Variants in AKT3 observed in about 807,000 individuals in gnomAD.
AKT3 encodes the protein AKT serine/threonine kinase 3.
AKT3 carries 15 observed loss-of-function variants against 65.3 expected under a neutral mutation model. The ratio of observed to expected loss-of-function variants is 0.23; its 90% CI spans 0.15 to 0.35. The LOEUF (loss-of-function observed/expected upper bound fraction) is 0.35. AKT3 is among the 10% of genes least tolerant of loss of function. AKT3 has a pLI of 1.00. For synonymous variants in AKT3, 206 were observed against 183.8 expected, an observed-to-expected ratio of 1.12 and a Z score of -0.98; for missense variants, 243 against 576.5, an observed-to-expected ratio of 0.42 and a Z score of 5.92.
chr1:243,559,133 A>C (rs1321378926), intron 10 of AKT3, among the ~76,000 whole-genome samples: 1 of 152,172 alleles, frequency 6.6e-6, no homozygotes, highest in African/African-American at 2.4e-5. Flanking sequence ...ACAGATTATA[A>C]AAACAAAATC....
chr1:243,696,972 G>C (rs1685099708), intron 2 of AKT3, among the ~76,000 whole-genome samples: 1 of 151,824 alleles, frequency 6.6e-6, no homozygotes. Flanking sequence ...TTACTATAAA[G>C]GGCAATCTCA....
At chr1:243,740,131 T>C (rs1256960320) in intron 2 of AKT3, among the ~76,000 whole-genome samples, 1 of 152,196 alleles carries the variant, frequency 6.6e-6, no homozygotes, top group Admixed American at 6.5e-5. Context: ...TACATGGTTT[T>C]ACTATCACTA....
At position 243,564,855 on chromosome 1, in the gene AKT3, A is replaced by C. The variant is rs567366965; in HGVS notation, c.820-1007T>G. Among the ~76,000 whole-genome samples the C allele has an allele frequency of 5.5e-4, 84 of 152,338 alleles. 2 individuals carry two copies. The Middle Eastern group carries it at 0.014, about 25-fold the overall frequency. Reference sequence around the variant, plus strand: ...GATAGTTAACTTTTATTTGAGGAGTAGATTCTTATTCTACTCCTTAATGTG... The same window carrying C: ...GATAGTTAACTTTTATTTGAGGAGTCGATTCTTATTCTACTCCTTAATGTG... On this transcript the variant is annotated intron_variant, in intron 9 of 13. Coordinates refer to ENST00000673466, the MANE Select transcript of AKT3 (RefSeq NM_005465.7).
At chr1:243,676,266 C>T (rs982374894) in intron 3 of AKT3, among the ~76,000 whole-genome samples, 2 of 152,070 alleles carry the variant, frequency 1.3e-5, no homozygotes, top group African/African-American at 4.8e-5. Flanking sequence ...ACAGAATGAA[C>T]ATTAAGTGCA....
chr1:243,686,671 T>A (rs1223523984), intron 3 of AKT3, among the ~76,000 whole-genome samples: 6 of 58,986 alleles, frequency 1.0e-4, no homozygotes, highest in East Asian at 3.1e-4. Flanking sequence ...TTTTTTTTTT[T>A]TTTTTTTTTT....
At chr1:243,612,302 A>G (rs1405433163) in intron 8 of AKT3, among the ~76,000 whole-genome samples, 1 of 151,500 alleles carries the variant, frequency 6.6e-6, no homozygotes, top group African/African-American at 2.4e-5. Context: ...TTTTGTAGAG[A>G]CAAGCTTCCA....
chr1:243,628,446 C>T (rs1310874758), intron 6 of AKT3, among the ~76,000 whole-genome samples: 1 of 152,112 alleles, frequency 6.6e-6, no homozygotes, highest in Non-Finnish European at 1.5e-5. Flanking sequence ...TCACCAGAGG[C>T]ATGCCACCAC....
chr1:243,830,214 C>T (rs1426792618), intron 2 of AKT3, among the ~76,000 whole-genome samples: 1 of 152,108 alleles, frequency 6.6e-6, no homozygotes, highest in Non-Finnish European at 1.5e-5. Flanking sequence ...ATGGCATTTG[C>T]AGTGGATTAG....
At chr1:243,695,311 T>C (rs1172843455) in intron 3 of AKT3, among the ~76,000 whole-genome samples, 3 of 151,968 alleles carry the variant, frequency 2.0e-5, no homozygotes, top group Non-Finnish European at 4.4e-5. Context: ...GGTCCTTGTT[T>C]TTATGTTATA....
chr1:243,809,813 C>T (rs1693008457), intron 2 of AKT3, among the ~76,000 whole-genome samples: 1 of 152,164 alleles, frequency 6.6e-6, no homozygotes, highest in Non-Finnish European at 1.5e-5. Flanking sequence ...TGTAAAAGAA[C>T]AGAAATTATA....
chr1:243,627,657 C>T (rs946010928), intron 6 of AKT3, among the ~76,000 whole-genome samples: 2 of 152,114 alleles, frequency 1.3e-5, no homozygotes, highest in East Asian at 1.9e-4. Context: ...AGGATAAATC[C>T]AGCAAATACC....
intron 2 of AKT3, among the ~76,000 whole-genome samples, chr1:243,754,757 C>T (rs1288911692): frequency 6.6e-6 from 1 of 152,284 alleles, no homozygotes; most frequent in Admixed American, 6.5e-5. Context: ...AACCGTCCCC[C>T]CTCCCACACA....
At chr1:243,498,574 T>C (rs1474343470), downstream of AKT3, among the ~76,000 whole-genome samples, 1 of 152,242 alleles carries the variant, frequency 6.6e-6, no homozygotes, top group Non-Finnish European at 1.5e-5. Context: ...AAGAAAAAGT[T>C]GTCCTCAGGG....
At chr1:243,565,158 C>A (rs556393851) in intron 9 of AKT3, among the ~76,000 whole-genome samples, 2 of 152,296 alleles carry the variant, frequency 1.3e-5, no homozygotes, top group South Asian at 4.1e-4. Flanking sequence ...GCATGTCTCA[C>A]AGAGGTAAGT....
At chr1:243,828,888 TAAGAGC>T (rs1375128725) in intron 2 of AKT3, among the ~76,000 whole-genome samples, 1 of 152,158 alleles carries the variant, frequency 6.6e-6, no homozygotes, top group African/African-American at 2.4e-5. Context: ...ATAGATTCAC[TAAGAGC>T]AAGTTAAGTC....
At chr1:243,669,028 T>C (rs320318) in intron 3 of AKT3, among the ~76,000 whole-genome samples, 2 of 152,040 alleles carry the variant, frequency 1.3e-5, no homozygotes, top group African/African-American at 4.8e-5. Context: ...TTTGAAAGAC[T>C]TAAGTTTTAA....
intron 2 of AKT3, among the ~76,000 whole-genome samples, chr1:243,789,396 CT>C (rs1691476161): frequency 6.6e-6 from 1 of 152,138 alleles, no homozygotes. Flanking sequence ...TTAAAAAAAT[CT>C]TTTTAATAAA....
intron 4 of AKT3, among the ~76,000 whole-genome samples, chr1:243,652,771 C>CAAAAAAAAA (rs371580711): frequency 5.8e-4 from 18 of 31,294 alleles, no homozygotes; most frequent in East Asian, 1.6e-3. Flanking sequence ...AAATAGAAAG[C>CAAAAAAAAA]AAAAAAAAAA....
rs576080859 is a variant in AKT3 at position 243,563,581 on chromosome 1, T to A, written c.948+139A>T. On this transcript the variant is annotated intron_variant, in intron 10 of 13. Transcript: ENST00000673466. ...CCTACAATACCCCATTATAACAAATTAAGAGCCAAAAAATTTTGATTCAGG... is the reference window on the plus strand; with the variant it reads ...CCTACAATACCCCATTATAACAAATAAAGAGCCAAAAAATTTTGATTCAGG... The A allele has an allele frequency of 4.7e-6, 5 of 1,057,992 alleles. No individual in the cohort carries two copies. The South Asian group carries it at 6.3e-5, about 13-fold the overall frequency. The allele number at this position is 1,057,992 out of a possible 1,614,324, so 65.5% of individuals were successfully genotyped here. A position where few individuals can be genotyped will look rare whatever the true frequency, so the allele number is the denominator to read the frequency against.
Sources: gnomAD v4.1 joint callset for allele counts (sites outside exome capture counted in the v4.1 genomes callset) on GRCh38, gnomAD v4.1.1 for gene constraint, MANE v1.5 for transcripts, NCBI Gene and HGNC (gene_info 2026-07-23, HGNC 2026-07-21) for gene names.